EPHA3: variants seen among roughly 807,000 people sequenced by gnomAD.
The protein encoded by EPHA3 is ephrin type-A receptor 3.
Under a neutral mutation model 107.1 loss-of-function variants are expected in EPHA3, and 42 were observed. The ratio of observed to expected loss-of-function variants is 0.39; its 90% CI spans 0.31 to 0.51. The LOEUF (loss-of-function observed/expected upper bound fraction) is 0.51, where lower values mean the gene tolerates loss of function less well. Ranked by LOEUF, EPHA3 falls within the 20% of genes least tolerant of loss-of-function variation. EPHA3 has a pLI of 0.78. For missense variants in EPHA3, 1,183 were observed against 1,211.2 expected, an observed-to-expected ratio of 0.98 and a Z score of 0.35; for synonymous variants, 461 against 424.8, an observed-to-expected ratio of 1.09 and a Z score of -1.05.
At chr3:89,117,004 AC>A (rs1388757822) in intron 1 of EPHA3, among the ~76,000 whole-genome samples, 1 of 152,086 alleles carries the variant, frequency 6.6e-6, no homozygotes, top group African/African-American at 2.4e-5. Context: ...AAGGCTCCAA[AC>A]TGAGCTGTCT....
chr3:89,449,350 A>G lies in EPHA3; in HGVS notation c.2472A>G (p.Pro824=). 1 of 1,593,926 alleles carries G rather than the reference A, an allele frequency of 6.3e-7. No individual in the cohort carries two copies. The highest frequency in any genetic ancestry group is 8.6e-7 in the Non-Finnish European group (1 of 1,166,546). Residue 824 remains proline (P), a synonymous_variant, in exon 14 of 17, where the codon CCA becomes CCG. Coordinates refer to ENST00000336596, the MANE Select transcript of EPHA3 (RefSeq NM_005233.6). ...LWEVMSYGER[P]YWEMSNQDVI... is the part of the protein sequence containing the mutation. ...AGGTGATGTCTTATGGAGAGAGACCATACTGGGAGATGTCCAATCAGGATG... is the reference window on the plus strand; with the variant it reads ...AGGTGATGTCTTATGGAGAGAGACCGTACTGGGAGATGTCCAATCAGGATG...
intron 16 of EPHA3, among the ~76,000 whole-genome samples, chr3:89,476,565 C>G (rs1710511557): frequency 6.9e-6 from 1 of 145,654 alleles, no homozygotes; most frequent in South Asian, 2.1e-4. Flanking sequence ...TATATATTTA[C>G]TTTCCATGAC....
At chr3:89,228,108 A>G (rs1704540637) in intron 3 of EPHA3, among the ~76,000 whole-genome samples, 1 of 151,924 alleles carries the variant, frequency 6.6e-6, no homozygotes, top group Admixed American at 6.6e-5. Context: ...CTTAGTTAGA[A>G]ACGACTACTC....
chr3:89,362,057 A>G (rs552522803), intron 5 of EPHA3, among the ~76,000 whole-genome samples: 1 of 151,374 alleles, frequency 6.6e-6, no homozygotes, highest in East Asian at 1.9e-4. Flanking sequence ...AAAGTAGAGT[A>G]GTATGACACC....
At chr3:89,383,639 CTTTTTTTTTTTTTT>C (rs71621546) in intron 5 of EPHA3, among the ~76,000 whole-genome samples, 2 of 87,962 alleles carry the variant, frequency 2.3e-5, no homozygotes, top group Admixed American at 2.6e-4. Context: ...ACTTCTTCTT[CTTTTTTTTTTTTTT>C]TTTTTTTTTT....
At chr3:89,151,223 T>G (rs1232608629) in intron 2 of EPHA3, among the ~76,000 whole-genome samples, 1 of 152,088 alleles carries the variant, frequency 6.6e-6, no homozygotes, top group Non-Finnish European at 1.5e-5. Context: ...TCAAATCCAT[T>G]ATCTTTACTA....
rs143690552 is a variant in EPHA3 at position 89,293,428 on chromosome 3, C to T, written c.815-47488C>T. Reference sequence around the variant, plus strand: ...TTATACCTTTGCCTATTCAAAGAGTCGGGGAACTTTCTTTTAAGGGGCCAG... The same window carrying T: ...TTATACCTTTGCCTATTCAAAGAGTTGGGGAACTTTCTTTTAAGGGGCCAG... On this transcript the variant is annotated intron_variant, in intron 3 of 16. Transcript: ENST00000336596. Among the ~76,000 whole-genome samples the T allele has an allele frequency of 1.1e-4, 17 of 152,154 alleles. No individual in the cohort carries two copies. In the East Asian group the frequency reaches 2.1e-3, roughly 19 times the overall value.
At chr3:89,202,640 C>A (rs1009613385) in intron 2 of EPHA3, among the ~76,000 whole-genome samples, 2 of 149,238 alleles carry the variant, frequency 1.3e-5, no homozygotes, top group Non-Finnish European at 3.0e-5. Flanking sequence ...TTAATATGTC[C>A]ATGTAAAATT....
chr3:89,116,009 T>C (rs1044956363), intron 1 of EPHA3, among the ~76,000 whole-genome samples: 8 of 152,282 alleles, frequency 5.3e-5, no homozygotes, highest in African/African-American at 1.4e-4. Context: ...ACCATATAAA[T>C]GAGGGTACTT....
intron 11 of EPHA3, among the ~76,000 whole-genome samples, chr3:89,420,104 T>A (rs1272727419): frequency 6.6e-6 from 1 of 151,422 alleles, no homozygotes; most frequent in Admixed American, 6.6e-5. Flanking sequence ...CTCTTGAGAA[T>A]ACTCTGGGAC....
intron 3 of EPHA3, among the ~76,000 whole-genome samples, chr3:89,270,888 T>C (rs914064235): frequency 1.3e-5 from 2 of 152,046 alleles, no homozygotes; most frequent in African/African-American, 4.8e-5. Flanking sequence ...AGAAAAAATA[T>C]ATTTGCTGTT....
intron 3 of EPHA3, among the ~76,000 whole-genome samples, chr3:89,295,685 G>A (rs2076009427): frequency 2.0e-5 from 3 of 152,052 alleles, no homozygotes; most frequent in Admixed American, 1.3e-4. Flanking sequence ...TCTGCCACCG[G>A]GTTCAAGAGA....
intron 5 of EPHA3, among the ~76,000 whole-genome samples, chr3:89,367,244 C>A (rs992905984): frequency 1.3e-5 from 2 of 150,756 alleles, no homozygotes; most frequent in Non-Finnish European, 3.0e-5. Flanking sequence ...CTTTTAAAAT[C>A]TATTTATATA....
chr3:89,225,016 G>A (rs1704470234), intron 3 of EPHA3, among the ~76,000 whole-genome samples: 3 of 152,050 alleles, frequency 2.0e-5, no homozygotes, highest in African/African-American at 7.2e-5. Context: ...ATCAAATTCA[G>A]TTAAAAAGAA....
At chr3:89,155,177 C>T (rs534752339) in intron 2 of EPHA3, among the ~76,000 whole-genome samples, 1 of 151,732 alleles carries the variant, frequency 6.6e-6, no homozygotes, top group Admixed American at 6.6e-5. Flanking sequence ...AAAATCAATA[C>T]ATAATGAGAA....
At chr3:89,137,207 T>C (rs558834977) in intron 2 of EPHA3, among the ~76,000 whole-genome samples, 1 of 151,914 alleles carries the variant, frequency 6.6e-6, no homozygotes, top group Non-Finnish European at 1.5e-5. Flanking sequence ...AGACTAAACA[T>C]TATGTTTTCA....
At chr3:89,179,754 G>A (rs1226160564) in intron 2 of EPHA3, among the ~76,000 whole-genome samples, 2 of 150,706 alleles carry the variant, frequency 1.3e-5, no homozygotes, top group Non-Finnish European at 3.0e-5. Flanking sequence ...AACACATAAA[G>A]TCACAAATGC....
At chr3:89,475,627 G>A (rs1313563346) in intron 16 of EPHA3, among the ~76,000 whole-genome samples, 1 of 152,170 alleles carries the variant, frequency 6.6e-6, no homozygotes, top group Admixed American at 6.5e-5. Flanking sequence ...GAGAGAAAGG[G>A]AAAGGTTAGA....
chr3:89,411,847 G>T (rs1030274937), intron 9 of EPHA3, among the ~76,000 whole-genome samples: 10 of 151,808 alleles, frequency 6.6e-5, no homozygotes, highest in Non-Finnish European at 1.2e-4. Context: ...TTCACGCAGG[G>T]TGTTCAATTG....
Sources: allele counts gnomAD v4.1 joint callset (sites outside exome capture counted in the v4.1 genomes callset), GRCh38; gene constraint gnomAD v4.1.1; transcripts MANE v1.5; gene names NCBI Gene and HGNC (gene_info 2026-07-23, HGNC 2026-07-21).